Variants in RBFOX3 observed in about 807,000 individuals in gnomAD.
RBFOX3 encodes the protein RNA binding protein fox-1 homolog 3.
RBFOX3 carries 17 observed loss-of-function variants against 48.7 expected under a neutral mutation model. The observed-to-expected ratio is 0.35, with a 90% confidence interval of 0.24 to 0.52. The LOEUF is 0.52. RBFOX3 is among the 20% of genes least tolerant of loss of function. RBFOX3 has a pLI of 0.94. For synonymous variants in RBFOX3, 212 were observed against 209.5 expected (o/e 1.01, Z -0.10); for missense variants, 382 against 497.5 (o/e 0.77, Z 2.21).
chr17:79,330,402 T>C (rs1384972935), intron 2 of RBFOX3, among the ~76,000 whole-genome samples: 1 of 152,180 alleles, frequency 6.6e-6, no homozygotes, highest in Non-Finnish European at 1.5e-5. Flanking sequence ...ACTCAGACCC[T>C]CACTGTCATG....
chr17:79,406,547 C>T (rs577539296), intron 2 of RBFOX3, among the ~76,000 whole-genome samples: 3 of 152,236 alleles, frequency 2.0e-5, no homozygotes, highest in Non-Finnish European at 2.9e-5. Flanking sequence ...TTCTAATTGC[C>T]GGGAATTGTG....
intron 1 of RBFOX3, among the ~76,000 whole-genome samples, chr17:79,596,567 G>T (rs9906644): frequency 0.37 from 56,930 of 151,938 alleles, 11,759 homozygotes; most frequent in Middle Eastern, 0.48. Flanking sequence ...AGCCACAAAG[G>T]CCCCTGCCCC....
intron 1 of RBFOX3, among the ~76,000 whole-genome samples, chr17:79,586,016 A>G (rs1219739360): frequency 6.6e-6 from 1 of 152,184 alleles, no homozygotes; most frequent in Non-Finnish European, 1.5e-5. Context: ...GATTCCCAGC[A>G]TGGAGGCTTG....
chr17:79,323,438 T>C (rs994855638), intron 2 of RBFOX3, among the ~76,000 whole-genome samples: 1 of 152,178 alleles, frequency 6.6e-6, no homozygotes, highest in African/African-American at 2.4e-5. Context: ...ACACGAGAGA[T>C]GGTTGCGAGA....
At chr17:79,353,451 G>A (rs1395065415) in intron 2 of RBFOX3, among the ~76,000 whole-genome samples, 1 of 152,166 alleles carries the variant, frequency 6.6e-6, no homozygotes, top group Non-Finnish European at 1.5e-5. Flanking sequence ...AGCTTTGTTT[G>A]TTTGAGCAAA....
rs576418753 is a variant in RBFOX3, at chr17:79,237,968, G to A, written c.-73-2163C>T. Among the ~76,000 whole-genome samples, 75 of 152,240 alleles carry A rather than the reference G, an allele frequency of 4.9e-4. 1 individual carries two copies. Among genetic ancestry groups the A allele is most frequent in the Admixed American group, 2.3e-3 (35 of 15,298 alleles). ...TTTTCTATTTTTGAGACAGACTCTC[G>A]CTCTGTTGCCCAGGCTGGAGTGCAA... is the stretch of plus-strand genomic sequence containing the variant. On this transcript the variant is annotated intron_variant, in intron 3 of 14. Transcript: ENST00000693108.
chr17:79,578,566 G>C (rs936062750), intron 1 of RBFOX3, among the ~76,000 whole-genome samples: 6 of 152,232 alleles, frequency 3.9e-5, no homozygotes, highest in Admixed American at 3.3e-4. Context: ...GCCATCCTGA[G>C]ACCCGCTCCG....
chr17:79,318,854 C>CAAAAAAAAA (rs71161660), intron 2 of RBFOX3, among the ~76,000 whole-genome samples: 4 of 32,522 alleles, frequency 1.2e-4, no homozygotes, highest in African/African-American at 2.9e-4. Context: ...GACTCCATCT[C>CAAAAAAAAA]AAAAAAAAAA....
At chr17:79,656,273 C>T in the RBFOX3 span, among the ~76,000 whole-genome samples, 28 of 152,304 alleles carry the variant, frequency 1.8e-4, no homozygotes, top group Admixed American at 1.4e-3. Flanking sequence ...TCCAAAGCAG[C>T]CATTGACAAT....
chr17:79,497,923 G>A (rs77713328), intron 1 of RBFOX3, among the ~76,000 whole-genome samples: 29,551 of 152,182 alleles, frequency 0.19, 3,056 homozygotes, highest in Non-Finnish European at 0.22. Context: ...ACAGCAACAA[G>A]GCCCTGGCCT....
intron 3 of RBFOX3, among the ~76,000 whole-genome samples, chr17:79,271,287 G>T (rs1179960016): frequency 6.6e-6 from 1 of 152,118 alleles, no homozygotes; most frequent in Non-Finnish European, 1.5e-5. Flanking sequence ...TGATGGCCAG[G>T]CTGGTCTCGA....
intron 6 of RBFOX3, among the ~76,000 whole-genome samples, chr17:79,105,800 G>A (rs1483483324): frequency 6.6e-6 from 1 of 152,176 alleles, no homozygotes; most frequent in African/African-American, 2.4e-5. Context: ...GCAGGCGGAA[G>A]AGAAGTTTGG....
chr17:79,202,808 A>G (rs570500984), intron 4 of RBFOX3, among the ~76,000 whole-genome samples: 1 of 152,376 alleles, frequency 6.6e-6, no homozygotes, highest in African/African-American at 2.4e-5. Flanking sequence ...ACACTCAGCC[A>G]TGCAGATGCA....
intron 2 of RBFOX3, among the ~76,000 whole-genome samples, chr17:79,460,960 G>A (rs1555748416): frequency 6.6e-6 from 1 of 152,070 alleles, no homozygotes; most frequent in East Asian, 1.9e-4. Context: ...AAACCTCCAT[G>A]CCTTTGCTCT....
At chr17:79,446,348 C>T (rs1003357352) in intron 2 of RBFOX3, among the ~76,000 whole-genome samples, 5 of 152,208 alleles carry the variant, frequency 3.3e-5, no homozygotes, top group African/African-American at 1.2e-4. Context: ...ATGCGGCAGA[C>T]CCCTGGTCAG....
chr17:79,120,047 CTAGGGT>C lies in RBFOX3; in HGVS notation c.-33-4305_-33-4300del. ...ATTGCTTCTCTTCTTCCCAGGTCTG[CTAGGGT>C]CAGAGTCAATGAGGGCCTGGGGTTG... is the stretch of plus-strand genomic sequence containing the variant. On this transcript the variant is annotated intron_variant, in intron 4 of 14. Coordinates refer to ENST00000693108, the MANE Select transcript of RBFOX3 (RefSeq NM_001350451.2). Among the ~76,000 whole-genome samples, 4 of 152,320 alleles carry C rather than the reference CTAGGGT, an allele frequency of 2.6e-5. No homozygotes were observed. The Middle Eastern group carries it at 0.01, about 389-fold the overall frequency.
chr17:79,179,643 A>G (rs1371854743), intron 4 of RBFOX3, among the ~76,000 whole-genome samples: 1 of 152,146 alleles, frequency 6.6e-6, no homozygotes, highest in Non-Finnish European at 1.5e-5. Context: ...AGGAGACTGC[A>G]GTTTAATAAT....
intron 2 of RBFOX3, among the ~76,000 whole-genome samples, chr17:79,330,806 T>C (rs941903560): frequency 6.6e-6 from 1 of 152,212 alleles, no homozygotes; most frequent in Non-Finnish European, 1.5e-5. Context: ...GAGCCAAGGA[T>C]GGACCCTCCC....
intron 4 of RBFOX3, among the ~76,000 whole-genome samples, chr17:79,150,283 C>T (rs1052518260): frequency 2.0e-5 from 3 of 151,882 alleles, no homozygotes; most frequent in Non-Finnish European, 3.0e-5. Flanking sequence ...GGCTGGGGCC[C>T]AGGCCACTCT....
Sources: gnomAD v4.1 joint callset for allele counts (sites outside exome capture counted in the v4.1 genomes callset) on GRCh38, gnomAD v4.1.1 for gene constraint, MANE v1.5 for transcripts, NCBI Gene and HGNC (gene_info 2026-07-23, HGNC 2026-07-21) for gene names.